The following SEPTIN2 variants were observed in gnomAD, a reference collection of about 807,000 sequenced individuals.
The protein encoded by SEPTIN2 is septin 2, also known as septin-2.
In SEPTIN2, 34 loss-of-function variants were observed where a neutral mutation model predicts 46.5. The observed-to-expected ratio is 0.73, with a 90% CI of 0.56 to 0.97. The LOEUF is 0.97. Ranked by LOEUF, SEPTIN2 falls within the 50% of genes least tolerant of loss-of-function variation. SEPTIN2 has a pLI of 0.00. For synonymous variants in SEPTIN2, 175 were observed against 153.4 expected (o/e 1.14, Z -1.04); for missense variants, 347 against 448.4 (o/e 0.77, Z 2.04).
At chr2:241,344,981 G>C (rs1170731385) in intron 9 of SEPTIN2, among the ~76,000 whole-genome samples, 2 of 151,996 alleles carry the variant, frequency 1.3e-5, no homozygotes, top group East Asian at 3.9e-4. Context: ...GAGTGTGGTG[G>C]TGGGTGCCGG....
At chr2:241,325,752 A>G (rs577809860) in intron 2 of SEPTIN2, among the ~76,000 whole-genome samples, 5 of 152,320 alleles carry the variant, frequency 3.3e-5, no homozygotes, top group Non-Finnish European at 5.9e-5. Context: ...CTGATTAACA[A>G]AATGTTAATT....
rs193244496 is a variant in SEPTIN2, at chr2:241,353,397, A to C, written c.*1460A>C. The stretch of plus-strand genomic sequence containing the variant: ...GAAATTCAACCCCAGAAATTGACAG[A>C]TGAAAGGAGACAATGGTTGTGTAGG... On this transcript the variant is annotated 3_prime_UTR_variant, in exon 13 of 13. Coordinates refer to ENST00000391971, the MANE Select transcript of SEPTIN2 (RefSeq NM_004404.5). 3.9e-5 allele frequency: 6 copies of C among 152,352 alleles called. No homozygotes were observed. The East Asian group carries it at 5.8e-4, about 15-fold the overall frequency. The allele number at this position is 152,352 out of a possible 1,614,324, so 9.4% of individuals were successfully genotyped here. A position where few individuals can be genotyped will look rare whatever the true frequency, so the allele number is the denominator to read the frequency against.
intron 7 of SEPTIN2, among the ~76,000 whole-genome samples, chr2:241,339,129 C>A (rs1442461841): frequency 6.8e-6 from 1 of 146,310 alleles, no homozygotes; most frequent in African/African-American, 2.5e-5. Context: ...TGTGGTGGCT[C>A]ACGCCTGTAA....
At chr2:241,330,138 T>G (rs1331722423) in intron 3 of SEPTIN2, among the ~76,000 whole-genome samples, 1 of 152,194 alleles carries the variant, frequency 6.6e-6, no homozygotes, top group East Asian at 1.9e-4. Flanking sequence ...AATTAAATCT[T>G]ACCGAGTCCA....
chr2:241,324,130 T>G lies in SEPTIN2; in HGVS notation c.-17-86T>G. ...TATGTATGTGTAAGTCTTCTTCAGG[T>G]CAGTTCACGCTGTTAAATATACGTG... On this transcript the variant is annotated intron_variant, in intron 1 of 12. Coordinates refer to ENST00000391971, the MANE Select transcript of SEPTIN2 (RefSeq NM_004404.5). 4 of 1,242,590 alleles carry G rather than the reference T, an allele frequency of 3.2e-6. No homozygotes were observed. In the South Asian group the frequency reaches 5.2e-5, roughly 16 times the overall value. The allele number at this position is 1,242,590 out of a possible 1,614,324, so 77.0% of individuals were successfully genotyped here.
Position 241,316,324 on chromosome 2 carries a change from G to A in SEPTIN2, c.-18+342G>A. ...CGTCGAGTGCGGTCGAGGTCGGGAG[G>A]TTTGGTGCTTGGAGGGAGGATACAG... On this transcript the variant is annotated intron_variant, in intron 1 of 12. Transcript: ENST00000391971. 3 of 446,864 alleles carry A rather than the reference G, an allele frequency of 6.7e-6. 1 individual carries two copies. Among genetic ancestry groups the A allele is most frequent in the South Asian group, 6.9e-5 (2 of 29,184 alleles). 27.7% of individuals were successfully genotyped at this position (446,864 alleles called of 1,614,324 possible).
chr2:241,335,964 T>C lies in SEPTIN2; in HGVS notation c.218-11T>C, dbSNP rs768265462. ...TGCTTATATTCCCTATTAAGTTTGT[T>C]TCTTTTCTAGAAAAAATTGAAAGAA... On this transcript the variant is annotated splice_polypyrimidine_tract_variant and intron_variant, in intron 4 of 12. Coordinates refer to ENST00000391971, the MANE Select transcript of SEPTIN2 (RefSeq NM_004404.5). The C allele has an allele frequency of 6.2e-7, 1 of 1,614,152 alleles. No homozygotes were observed. Among genetic ancestry groups the C allele is most frequent in the Non-Finnish European group, 8.5e-7 (1 of 1,180,014 alleles).
At chr2:241,330,425 T>G (rs1270985911) in intron 3 of SEPTIN2, among the ~76,000 whole-genome samples, 1 of 152,228 alleles carries the variant, frequency 6.6e-6, no homozygotes, top group Non-Finnish European at 1.5e-5. Context: ...TCAGGAGGGT[T>G]GCAGCTTGTG....
intron 3 of SEPTIN2, among the ~76,000 whole-genome samples, chr2:241,334,337 C>T (rs985656526): frequency 6.6e-6 from 1 of 152,184 alleles, no homozygotes; most frequent in Non-Finnish European, 1.5e-5. Flanking sequence ...TGCAATGAAG[C>T]AGTGGGATTT....
chr2:241,326,483 G>A (rs1429451886), intron 3 of SEPTIN2, among the ~76,000 whole-genome samples: 1 of 134,140 alleles, frequency 7.5e-6, no homozygotes, highest in Non-Finnish European at 1.6e-5. Flanking sequence ...TCTAAGACTA[G>A]GTCATAAAAG....
At chr2:241,340,214 C>T (rs2081071339) in intron 7 of SEPTIN2, among the ~76,000 whole-genome samples, 1 of 152,200 alleles carries the variant, frequency 6.6e-6, no homozygotes, top group South Asian at 2.1e-4. Context: ...AATTGTATCT[C>T]ATTTGAATTT....
At chr2:241,328,785 G>A (rs531522131) in intron 3 of SEPTIN2, among the ~76,000 whole-genome samples, 22 of 150,216 alleles carry the variant, frequency 1.5e-4, no homozygotes, top group African/African-American at 4.7e-4. Context: ...ACTTGAGGAG[G>A]CTAGGCGGGT....
chr2:241,317,552 T>G (rs1288748891), intron 1 of SEPTIN2: 194 of 981,788 alleles, frequency 2.0e-4, no homozygotes, highest in African/African-American at 1.1e-3. Flanking sequence ...TTTTTTTTTT[T>G]GTCTGGAGGA....
At chr2:241,335,909 G>T (rs566659762) in intron 4 of SEPTIN2, 66 bp from the exon 5 acceptor site, 4 of 1,610,174 alleles carry the variant, frequency 2.5e-6, no homozygotes, top group Non-Finnish European at 2.5e-6. Context: ...GTCACCTGTC[G>T]TAAGAACGTG....
intron 1 of SEPTIN2, chr2:241,318,133 C>T (rs949426198): frequency 2.1e-4 from 30 of 144,998 alleles, no homozygotes; most frequent in African/African-American, 7.9e-4. Flanking sequence ...AAAAAAAAAA[C>T]AGGAAAAAAA....
At position 241,353,444 on chromosome 2, in the gene SEPTIN2, C is replaced by T. The variant is rs2150254389; in HGVS notation, c.*1507C>T. ...TAGGGAGATGGAGAAAATGCTTAATCTGAGGATGAGACAGGGTTTTTTCAT... is the reference window on the plus strand; with the variant it reads ...TAGGGAGATGGAGAAAATGCTTAATTTGAGGATGAGACAGGGTTTTTTCAT... On this transcript the variant is annotated 3_prime_UTR_variant, in exon 13 of 13. Transcript: ENST00000391971. 1 of 152,140 alleles carries T rather than the reference C, an allele frequency of 6.6e-6. No individual in the cohort carries two copies. The highest frequency in any genetic ancestry group is 1.9e-4 in the East Asian group (1 of 5,170). 9.4% of individuals were successfully genotyped at this position (152,140 alleles called of 1,614,324 possible). A position where few individuals can be genotyped will look rare whatever the true frequency, so the allele number is the denominator to read the frequency against.
At chr2:241,319,633 C>G (rs2076864217) in intron 1 of SEPTIN2, among the ~76,000 whole-genome samples, 1 of 152,106 alleles carries the variant, frequency 6.6e-6, no homozygotes, top group Admixed American at 6.6e-5. Context: ...ACTCTGTCAC[C>G]CAGGCTGGAG....
chr2:241,334,498 C>T (rs115926413), intron 3 of SEPTIN2, among the ~76,000 whole-genome samples: 41 of 152,284 alleles, frequency 2.7e-4, no homozygotes, highest in African/African-American at 9.6e-4. Context: ...CTGAATTAGT[C>T]GTGTGAACTC....
At chr2:241,335,574 G>C in intron 4 of SEPTIN2, 3 of 607,014 alleles carry the variant, frequency 4.9e-6, no homozygotes, top group Non-Finnish European at 8.7e-6. Flanking sequence ...CTGTCAGAAA[G>C]TTCCAGCACA....
Sources: allele counts gnomAD v4.1 joint callset (sites outside exome capture counted in the v4.1 genomes callset), GRCh38; gene constraint gnomAD v4.1.1; transcripts MANE v1.5; gene names NCBI Gene and HGNC (gene_info 2026-07-23, HGNC 2026-07-21).